Variants in KIAA1958 observed in about 807,000 individuals in gnomAD.
KIAA1958 encodes KIAA1958.
In KIAA1958, 14 loss-of-function variants were observed where a neutral mutation model predicts 47.2. The observed-to-expected ratio is 0.30, with a 90% CI of 0.20 to 0.46. The LOEUF is 0.46. Among genes scored for constraint, KIAA1958 ranks in the 20% least tolerant of loss-of-function variants. The pLI, the probability that KIAA1958 is intolerant of heterozygous loss-of-function variation, is 1.00. For synonymous variants in KIAA1958, 354 were observed against 353.3 expected (o/e 1.00, Z -0.02); for missense variants, 803 against 909.2 (o/e 0.88, Z 1.50).
At chr9:112,608,620 T>C (rs987651371) in intron 2 of KIAA1958, among the ~76,000 whole-genome samples, 5 of 152,248 alleles carry the variant, frequency 3.3e-5, no homozygotes, top group African/African-American at 4.8e-5. Flanking sequence ...AAAACCGTTA[T>C]CTATACCAAA....
intron 2 of KIAA1958, among the ~76,000 whole-genome samples, chr9:112,577,285 A>G (rs1588025685): frequency 1.3e-5 from 2 of 152,198 alleles, no homozygotes; most frequent in East Asian, 3.9e-4. Context: ...CTCCCATCCC[A>G]TGGATTGTCT....
chr9:112,554,282 G>A lies in KIAA1958; in HGVS notation c.-24-19775G>A, dbSNP rs554872296. Among the ~76,000 whole-genome samples the A allele has an allele frequency of 9.2e-5, 14 of 152,134 alleles. No individual in the cohort carries two copies. The East Asian group carries it at 2.7e-3, about 29-fold the overall frequency. ...TGGGAGGCCGAGGCGGGCGGATCAC[G>A]AGGTCAGGAGTTTGAGACCAGCCTG... On this transcript the variant is annotated intron_variant, in intron 1 of 3. Transcript: ENST00000337530.
intron 2 of KIAA1958, among the ~76,000 whole-genome samples, chr9:112,617,010 C>T (rs1836418326): frequency 6.6e-6 from 1 of 152,192 alleles, no homozygotes; most frequent in Non-Finnish European, 1.5e-5. Flanking sequence ...TTCTGAAGCA[C>T]AGCAATCTGT....
At chr9:112,630,849 T>C (rs1190165579) in intron 2 of KIAA1958, among the ~76,000 whole-genome samples, 1 of 152,242 alleles carries the variant, frequency 6.6e-6, no homozygotes, top group Non-Finnish European at 1.5e-5. Flanking sequence ...ATAGAAACAA[T>C]GACCGTATTT....
At chr9:112,489,681 G>C (rs1427238757) in intron 1 of KIAA1958, among the ~76,000 whole-genome samples, 2 of 151,910 alleles carry the variant, frequency 1.3e-5, no homozygotes, top group African/African-American at 4.8e-5. Flanking sequence ...TGACAAATAA[G>C]TGCTGCTTCC....
At chr9:112,617,801 T>A in intron 2 of KIAA1958, 1 of 1,210,838 alleles carries the variant, frequency 8.3e-7, no homozygotes, top group Non-Finnish European at 1.1e-6. Context: ...AAACTTTATT[T>A]CAGAGTAGAA....
chr9:112,606,759 C>T (rs1428976484), intron 2 of KIAA1958, among the ~76,000 whole-genome samples: 1 of 152,136 alleles, frequency 6.6e-6, no homozygotes, highest in Non-Finnish European at 1.5e-5. Context: ...GATTAAAACC[C>T]TTCTTTATAG....
chr9:112,638,501 T>G (rs1836843634), intron 2 of KIAA1958, among the ~76,000 whole-genome samples: 1 of 151,696 alleles, frequency 6.6e-6, no homozygotes, highest in Non-Finnish European at 1.5e-5. Context: ...AGACCCTATC[T>G]CTAAAAAAAA....
At chr9:112,556,765 C>T (rs1263330648) in intron 1 of KIAA1958, among the ~76,000 whole-genome samples, 1 of 152,134 alleles carries the variant, frequency 6.6e-6, no homozygotes, top group African/African-American at 2.4e-5. Flanking sequence ...ATTGTTGACC[C>T]CTCCCCTCTC....
At position 112,510,118 on chromosome 9, in the gene KIAA1958, T is replaced by A. The variant is rs879664379; in HGVS notation, c.-25+23000T>A. 3.1e-3 allele frequency among the ~76,000 whole-genome samples: 467 copies of A among 152,258 alleles called. 5 individuals are homozygous for A. The highest frequency in any genetic ancestry group is 0.014 in the Middle Eastern group (4 of 294). ...GAGTTGGAGACCTTGTAAGATCAGT[T>A]ATAAGTAAGGTAAGGGAGAAAGGAA... On this transcript the variant is annotated intron_variant, in intron 1 of 3. Coordinates refer to ENST00000337530, the MANE Select transcript of KIAA1958 (RefSeq NM_133465.4).
rs1337800875 is a variant in KIAA1958 at position 112,668,351 on chromosome 9, T to C, written c.*8282T>C. ...TTTTAGAATACAAATGCAAGAAAAG[T>C]TCAATTTCAACAGCAGAAAGATGGC... is the stretch of plus-strand genomic sequence containing the variant. On this transcript the variant is annotated 3_prime_UTR_variant, in exon 4 of 4. Transcript: ENST00000337530. 1 of 152,128 alleles carries C rather than the reference T, an allele frequency of 6.6e-6. No homozygotes were observed. The highest frequency in any genetic ancestry group is 1.5e-5 in the Non-Finnish European group (1 of 68,030). 9.4% of individuals were successfully genotyped at this position (152,128 alleles called of 1,614,324 possible). A position where few individuals can be genotyped will look rare whatever the true frequency, so the allele number is the denominator to read the frequency against.
intron 1 of KIAA1958, among the ~76,000 whole-genome samples, chr9:112,544,645 T>C (rs1376451448): frequency 6.6e-6 from 1 of 152,242 alleles, no homozygotes; most frequent in Admixed American, 6.5e-5. Flanking sequence ...TCTGCCATCC[T>C]GGAGAGAGTC....
intron 1 of KIAA1958, among the ~76,000 whole-genome samples, chr9:112,545,825 G>GTGTTTTTTT (rs60211721): frequency 6.5e-4 from 60 of 92,996 alleles, no homozygotes; most frequent in East Asian, 1.6e-3. Flanking sequence ...AGGTTTCTTT[G>GTGTTTTTTT]TTTTTTTTTT....
chr9:112,487,946 C>CGTGT (rs57108785), intron 1 of KIAA1958, among the ~76,000 whole-genome samples: 12,801 of 145,702 alleles, frequency 0.088, 562 homozygotes, highest in African/African-American at 0.1. Flanking sequence ...AGTGTGTGTG[C>CGTGT]GTGTGTGTGT....
intron 2 of KIAA1958, chr9:112,582,522 G>A (rs1192150691): frequency 6.5e-6 from 1 of 154,434 alleles, no homozygotes; most frequent in East Asian, 1.9e-4. Context: ...GGGAAACATA[G>A]ACATCTCTGA....
chr9:112,574,355 C>T lies in KIAA1958; in HGVS notation c.275C>T (p.Ser92Phe). 1.2e-6 allele frequency: 2 copies of T among 1,614,158 alleles called. No individual in the cohort carries two copies. The highest frequency in any genetic ancestry group is 1.7e-6 in the Non-Finnish European group (2 of 1,180,004). The change falls in exon 2 of 4, where the codon TCT becomes TTT. Residue 92 changes from serine to phenylalanine, a missense_variant. Coordinates refer to ENST00000337530, the MANE Select transcript of KIAA1958 (RefSeq NM_133465.4). ...SDSPSIIGVPSETQTSPVERY... is the reference protein window; with the variant it reads ...SDSPSIIGVPFETQTSPVERY... ...AGTCCCAGTATAATCGGGGTGCCCT[C>T]TGAGACACAGACTAGCCCTGTTGAA...
intron 1 of KIAA1958, among the ~76,000 whole-genome samples, chr9:112,496,731 G>A (rs3849132): frequency 0.95 from 144,958 of 152,240 alleles, 69,066 homozygotes; most frequent in South Asian, 0.98. Context: ...TTAGGTTCTT[G>A]TGGTCTCGCG....
At chr9:112,563,777 A>G (rs1009499185) in intron 1 of KIAA1958, among the ~76,000 whole-genome samples, 1 of 152,140 alleles carries the variant, frequency 6.6e-6, no homozygotes, top group Non-Finnish European at 1.5e-5. Flanking sequence ...GTTGAATAAG[A>G]GTGATACAGG....
intron 1 of KIAA1958, among the ~76,000 whole-genome samples, chr9:112,560,163 A>C (rs1174702459): frequency 6.7e-6 from 1 of 148,796 alleles, no homozygotes; most frequent in Non-Finnish European, 1.5e-5. Context: ...CCTGGCCTGC[A>C]CTGATATTTT....
Sources: gnomAD v4.1 joint callset for allele counts (sites outside exome capture counted in the v4.1 genomes callset) on GRCh38, gnomAD v4.1.1 for gene constraint, MANE v1.5 for transcripts, NCBI Gene and HGNC (gene_info 2026-07-23, HGNC 2026-07-21) for gene names.